Variants in PDXDC1 observed in about 807,000 individuals in gnomAD.
PDXDC1 encodes pyridoxal-dependent decarboxylase domain-containing protein 1.
PDXDC1 carries 42 observed loss-of-function variants against 100.1 expected under a neutral mutation model. The ratio of observed to expected loss-of-function variants is 0.42; its 90% CI spans 0.33 to 0.54. PDXDC1 has a LOEUF of 0.54. Among genes scored for constraint, PDXDC1 ranks in the 20% least tolerant of loss-of-function variants. The pLI is 0.10. For missense variants in PDXDC1, 636 were observed against 979.2 expected, an observed-to-expected ratio of 0.65 and a Z score of 4.68; for synonymous variants, 260 against 371.7, an observed-to-expected ratio of 0.70 and a Z score of 3.46.
intron 16 of PDXDC1, chr16:15,135,898 C>T (rs1381988437): frequency 2.2e-5 from 35 of 1,576,046 alleles, no homozygotes; most frequent in South Asian, 2.1e-4. Flanking sequence ...CCACAGGCAG[C>T]GCCAGCCGCG....
chr16:14,975,009 G>GGGCCC (rs1567591733), upstream of PDXDC1: 2 of 1,535,010 alleles, frequency 1.3e-6, no homozygotes, highest in East Asian at 4.9e-5. Flanking sequence ...CAGCGCTACG[G>GGGCCC]GGCCCCGCCC....
downstream of PDXDC1, among the ~76,000 whole-genome samples, chr16:15,143,686 G>A (rs541213212): frequency 9.3e-4 from 141 of 152,322 alleles, no homozygotes; most frequent in Non-Finnish European, 1.5e-3. Context: ...GGGTCGGGGC[G>A]TGCAACAGTG....
chr16:14,994,236 T>A (rs1971487772), intron 1 of PDXDC1, among the ~76,000 whole-genome samples: 3 of 152,286 alleles, frequency 2.0e-5, no homozygotes. Flanking sequence ...CTGAATGGTA[T>A]TGCCTAGGTT....
intron 16 of PDXDC1, chr16:15,130,933 T>C (rs2048021405): frequency 2.8e-6 from 2 of 707,428 alleles, no homozygotes; most frequent in Admixed American, 2.3e-5. Context: ...CACCTGCTTC[T>C]CCGTGGCCCC....
At chr16:15,029,049 T>A in intron 15 of PDXDC1, 83 bp downstream of exon 15, 1 of 1,479,586 alleles carries the variant, frequency 6.8e-7, no homozygotes. Context: ...CGCGTGCTCG[T>A]GTATGGGAAC....
At chr16:15,096,765 C>G (rs1016984869) in intron 16 of PDXDC1, among the ~76,000 whole-genome samples, 1 of 152,382 alleles carries the variant, frequency 6.6e-6, no homozygotes, top group East Asian at 1.9e-4. Context: ...TCGTTGCAGC[C>G]TCGGGCTCCT....
chr16:14,974,995 C>T (rs1257405335), upstream of PDXDC1: 4 of 1,535,266 alleles, frequency 2.6e-6, no homozygotes, highest in Non-Finnish European at 8.7e-7. Flanking sequence ...CAGAGGGCTC[C>T]GCCCAGCGCT....
chr16:15,002,484 G>C (rs1215507264), intron 4 of PDXDC1, among the ~76,000 whole-genome samples: 2 of 152,284 alleles, frequency 1.3e-5, no homozygotes. Flanking sequence ...GGAGTTCACT[G>C]CATATTAATG....
intron 16 of PDXDC1, chr16:15,074,641 C>T: frequency 9.9e-7 from 1 of 1,011,062 alleles, no homozygotes; most frequent in Non-Finnish European, 1.4e-6. Context: ...TTTAGTATTA[C>T]TAGAGATAAT....
At chr16:15,017,750 G>C (rs1452348402) in intron 11 of PDXDC1, among the ~76,000 whole-genome samples, 1 of 152,214 alleles carries the variant, frequency 6.6e-6, no homozygotes, top group Non-Finnish European at 1.5e-5. Flanking sequence ...CTGAGTGGGG[G>C]AGTTTTAAGC....
At chr16:15,133,537 G>A (rs1449853282) in intron 16 of PDXDC1, 41 of 975,092 alleles carry the variant, frequency 4.2e-5, no homozygotes, top group Middle Eastern at 3.0e-4. Context: ...GCACCACCAC[G>A]GCCAGGCCCA....
In PDXDC1 at chr16:15,034,462, G is replaced by A. The variant is rs765942528; in HGVS notation, c.1911G>A (p.Val637=). The part of the protein sequence containing the change: ...ASEERLLEEG[V]LRQIPVVGSV... ...ACTCTGGTCCTGTCTTGCAGGGGGT[G>A]TTGCGGCAGATCCCTGTAGTGGGCT... The change falls in exon 21 of 23, where the codon GTG becomes GTA. Residue 637 remains valine (V), a synonymous_variant. Transcript: ENST00000396410. The A allele has an allele frequency of 1.2e-6, 2 of 1,614,144 alleles. No individual in the cohort carries two copies. The highest frequency in any genetic ancestry group is 1.7e-6 in the Non-Finnish European group (2 of 1,180,010).
intron 16 of PDXDC1, chr16:15,126,904 C>G: frequency 4.5e-6 from 1 of 222,916 alleles, no homozygotes; most frequent in South Asian, 6.6e-5. Context: ...CTGATCTGCC[C>G]GCCTCGGCCT....
At chr16:15,129,250 C>G (rs1160902364) in intron 16 of PDXDC1, among the ~76,000 whole-genome samples, 1 of 151,276 alleles carries the variant, frequency 6.6e-6, no homozygotes, top group African/African-American at 2.4e-5. Flanking sequence ...AGGCGGATCA[C>G]CTGAGGTCAG....
At chr16:15,098,871 C>A (rs1419015838) in intron 16 of PDXDC1, among the ~76,000 whole-genome samples, 2 of 151,606 alleles carry the variant, frequency 1.3e-5, no homozygotes, top group African/African-American at 4.8e-5. Flanking sequence ...AAAACTCCCT[C>A]TCAAAAAAAA....
chr16:15,072,349 A>T (rs528224820), intron 16 of PDXDC1, among the ~76,000 whole-genome samples: 2 of 152,286 alleles, frequency 1.3e-5, no homozygotes, highest in African/African-American at 4.8e-5. Flanking sequence ...CAACCCTTGG[A>T]AAGAATAAAG....
intron 16 of PDXDC1, among the ~76,000 whole-genome samples, chr16:15,087,838 G>C (rs1197652656): frequency 6.6e-6 from 1 of 152,120 alleles, no homozygotes; most frequent in Non-Finnish European, 1.5e-5. Context: ...AATCAGGCTG[G>C]GCGTGGTAGC....
rs1263099570 is a variant in PDXDC1, at chr16:15,001,781, A to G, written c.167A>G (p.Gln56Arg). The G allele has an allele frequency of 6.2e-7, 1 of 1,610,674 alleles. No homozygotes were observed. Among genetic ancestry groups the G allele is most frequent in the Non-Finnish European group, 8.5e-7 (1 of 1,179,640 alleles). Residue 56 changes from glutamine (Q) to arginine (R), a missense_variant, in exon 4 of 23, where the codon CAA (glutamine) becomes CGA (arginine). By Grantham distance (43) the Gln-to-Arg change is conservative. Coordinates refer to ENST00000396410, the MANE Select transcript of PDXDC1 (RefSeq NM_015027.4). ...DIPGPLQGSG[Q>R]DMVSILQLVQ... ...CAACTCTTTTTATTCTGCAGTGGGC[A>G]AGATATGGTGAGCATCCTCCAGTTA...
chr16:15,015,165 T>G (rs2041691124), intron 8 of PDXDC1, among the ~76,000 whole-genome samples: 1 of 152,214 alleles, frequency 6.6e-6, no homozygotes, highest in African/African-American at 2.4e-5. Context: ...ATGGTCTCCA[T>G]CTCCTGACCT....
Sources: allele counts gnomAD v4.1 joint callset (sites outside exome capture counted in the v4.1 genomes callset), GRCh38; gene constraint gnomAD v4.1.1; transcripts MANE v1.5; gene names NCBI Gene and HGNC (gene_info 2026-07-23, HGNC 2026-07-21).